JARID2: variants seen among roughly 807,000 people sequenced by gnomAD.
JARID2 encodes the protein protein Jumonji.
Under a neutral mutation model 125.6 loss-of-function variants are expected in JARID2, and 21 were observed. The ratio of observed to expected loss-of-function variants is 0.17; its 90% CI spans 0.12 to 0.24. JARID2 has a LOEUF of 0.24. Among genes scored for constraint, JARID2 ranks in the 10% least tolerant of loss-of-function variants. JARID2 has a pLI of 1.00. For synonymous variants in JARID2, 736 were observed against 661.6 expected (o/e 1.11, Z -1.73); for missense variants, 1,303 against 1,639.6 (o/e 0.79, Z 3.55).
At chr6:15,300,591 T>C (rs1172401584) in intron 1 of JARID2, among the ~76,000 whole-genome samples, 1 of 152,076 alleles carries the variant, frequency 6.6e-6, no homozygotes, top group Non-Finnish European at 1.5e-5. Context: ...AGATTGCTCA[T>C]TTTGGAGTCT....
chr6:15,512,137 T>C (rs978296676), intron 13 of JARID2, 71 bp from the exon 14 acceptor site: 6 of 1,361,602 alleles, frequency 4.4e-6, no homozygotes, highest in Non-Finnish European at 4.1e-6. Flanking sequence ...AGGGTGCGCA[T>C]ACGTCACCTG....
chr6:15,263,137 C>T (rs1409213730), intron 1 of JARID2, among the ~76,000 whole-genome samples: 2 of 148,756 alleles, frequency 1.3e-5, no homozygotes, highest in Admixed American at 1.4e-4. Context: ...CCTCATTTTC[C>T]TTACTGCCTG....
chr6:15,465,784 GTTGCTGT>G (rs1768694709), intron 4 of JARID2, among the ~76,000 whole-genome samples: 1 of 150,852 alleles, frequency 6.6e-6, no homozygotes, highest in African/African-American at 2.5e-5. Context: ...TATTTTTTTT[GTTGCTGT>G]TTGTTTGTTT....
intron 1 of JARID2, among the ~76,000 whole-genome samples, chr6:15,251,590 C>T (rs574181949): frequency 6.6e-6 from 1 of 152,314 alleles, no homozygotes; most frequent in African/African-American, 2.4e-5. Context: ...GGCTTTCACC[C>T]AGAAGTCTTG....
chr6:15,425,321 T>C (rs961751922), intron 3 of JARID2, among the ~76,000 whole-genome samples: 1 of 152,218 alleles, frequency 6.6e-6, no homozygotes, highest in African/African-American at 2.4e-5. Flanking sequence ...GCTAATAGTT[T>C]TCTCAGGTGC....
chr6:15,409,469 G>C (rs1561843010), intron 2 of JARID2, among the ~76,000 whole-genome samples: 1 of 152,204 alleles, frequency 6.6e-6, no homozygotes, highest in Non-Finnish European at 1.5e-5. Flanking sequence ...AAGGGACTCT[G>C]AGGCTTTGTT....
At chr6:15,373,658 GT>G (rs1279665014) in intron 1 of JARID2, among the ~76,000 whole-genome samples, 1 of 152,188 alleles carries the variant, frequency 6.6e-6, no homozygotes, top group African/African-American at 2.4e-5. Flanking sequence ...CATATCTGCT[GT>G]ATCCTTTGAG....
intron 3 of JARID2, among the ~76,000 whole-genome samples, chr6:15,412,288 C>T (rs1765910656): frequency 6.6e-6 from 1 of 151,970 alleles, no homozygotes; most frequent in South Asian, 2.1e-4. Flanking sequence ...TGTGTAGTGT[C>T]ATTAGGGTAT....
At chr6:15,465,732 T>A (rs1244224679) in intron 4 of JARID2, among the ~76,000 whole-genome samples, 2 of 152,204 alleles carry the variant, frequency 1.3e-5, no homozygotes, top group Non-Finnish European at 2.9e-5. Flanking sequence ...TTTACCTGAT[T>A]CTCTTTGAAT....
At chr6:15,354,884 G>T (rs1215639863) in intron 1 of JARID2, among the ~76,000 whole-genome samples, 1 of 152,178 alleles carries the variant, frequency 6.6e-6, no homozygotes, top group African/African-American at 2.4e-5. Flanking sequence ...CTTTGAAGAA[G>T]GTGATATTTG....
intron 5 of JARID2, among the ~76,000 whole-genome samples, chr6:15,473,673 C>T (rs1769202576): frequency 6.6e-6 from 1 of 152,106 alleles, no homozygotes; most frequent in South Asian, 2.1e-4. Context: ...CCTTTGTAGG[C>T]ATCCGAGTAC....
At chr6:15,312,439 C>G (rs1013573397) in intron 1 of JARID2, among the ~76,000 whole-genome samples, 3 of 152,194 alleles carry the variant, frequency 2.0e-5, no homozygotes, top group Admixed American at 1.3e-4. Flanking sequence ...TAACTTATGA[C>G]AACTGCACAC....
chr6:15,416,181 A>G (rs1009238545), intron 3 of JARID2, among the ~76,000 whole-genome samples: 3 of 150,546 alleles, frequency 2.0e-5, no homozygotes, highest in African/African-American at 7.3e-5. Flanking sequence ...GCGGCCGGGC[A>G]GAGACGCTCC....
intron 6 of JARID2, 68 bp from the exon 7 acceptor site, chr6:15,496,064 G>C: frequency 7.5e-7 from 1 of 1,338,740 alleles, no homozygotes; most frequent in East Asian, 2.3e-5. Flanking sequence ...CTCACGGGTG[G>C]GCCGGTCATT....
intron 4 of JARID2, among the ~76,000 whole-genome samples, chr6:15,454,080 A>C (rs1184697937): frequency 6.6e-6 from 1 of 152,176 alleles, no homozygotes; most frequent in Non-Finnish European, 1.5e-5. Flanking sequence ...ACACTAAGGG[A>C]GGTTCATGTG....
At chr6:15,504,826 G>A (rs762667406) in intron 9 of JARID2, among the ~76,000 whole-genome samples, 3 of 152,180 alleles carry the variant, frequency 2.0e-5, no homozygotes, top group Non-Finnish European at 4.4e-5. Flanking sequence ...GAGCTGCCGA[G>A]TGCAGGGGAC....
At chr6:15,479,428 C>T (rs1769506092) in intron 5 of JARID2, among the ~76,000 whole-genome samples, 1 of 152,212 alleles carries the variant, frequency 6.6e-6, no homozygotes, top group Non-Finnish European at 1.5e-5. Flanking sequence ...ATATCCAAGT[C>T]TGTTATTTTA....
intron 1 of JARID2, among the ~76,000 whole-genome samples, chr6:15,342,408 A>G (rs1296151235): frequency 6.6e-6 from 1 of 152,334 alleles, no homozygotes. Context: ...ATACTGTCCA[A>G]CTAGGGTGGT....
chr6:15,383,304 A>AT (rs34764204), intron 2 of JARID2, among the ~76,000 whole-genome samples: 13,529 of 145,008 alleles, frequency 0.093, 775 homozygotes, highest in South Asian at 0.16. Flanking sequence ...CCAGGTTGGG[A>AT]TTTTTTTTTT....
Sources: allele counts gnomAD v4.1 joint callset (sites outside exome capture counted in the v4.1 genomes callset), GRCh38; gene constraint gnomAD v4.1.1; transcripts MANE v1.5; gene names NCBI Gene and HGNC (gene_info 2026-07-23, HGNC 2026-07-21).